SLC6A12: variants seen among roughly 807,000 people sequenced by gnomAD.
The protein encoded by SLC6A12 is sodium- and chloride-dependent betaine transporter.
SLC6A12 carries 50 observed loss-of-function variants against 73.3 expected under a neutral mutation model. The observed-to-expected ratio is 0.68, with a 90% CI of 0.54 to 0.86. The LOEUF (loss-of-function observed/expected upper bound fraction) is 0.86, where lower values mean the gene tolerates loss of function less well. SLC6A12 is among the 40% of genes least tolerant of loss of function. SLC6A12 has a pLI of 0.00. For synonymous variants in SLC6A12, 304 were observed against 309.2 expected (o/e 0.98, Z 0.18); for missense variants, 648 against 772.8 (o/e 0.84, Z 1.92).
chr12:188,458 C>G (rs1355924476), downstream of SLC6A12, among the ~76,000 whole-genome samples: 1 of 150,962 alleles, frequency 6.6e-6, no homozygotes, highest in Admixed American at 6.6e-5. Flanking sequence ...GCGCCTCTCC[C>G]TCCACACCTC....
At chr12:210,843 G>A (rs1940877013) in intron 2 of SLC6A12, among the ~76,000 whole-genome samples, 1 of 152,178 alleles carries the variant, frequency 6.6e-6, no homozygotes, top group Non-Finnish European at 1.5e-5. Context: ...CTCTCAGCAG[G>A]TCACTGCCCT....
rs1290919911 is a variant in SLC6A12, at chr12:192,587, T to C, written c.1592A>G (p.Tyr531Cys). The C allele has an allele frequency of 3.1e-6, 5 of 1,613,522 alleles. No individual in the cohort carries two copies. The highest frequency in any genetic ancestry group is 1.7e-5 in the Admixed American group (1 of 59,950). The change falls in exon 15 of 16, where the codon TAC (tyrosine) becomes TGC (cysteine). Residue 531 changes from tyrosine to cysteine, a missense_variant. Physicochemically the swap from Tyr to Cys is radical, Grantham distance 194. Transcript: ENST00000684302. ...TPLKYNNVYV[Y>C]PPWGYSIGWF... is the part of the protein sequence containing the mutation. ...GCCAATGGAGTATCCCCAGGGCGGG[T>C]ACACATAGACGTTGTTGTACTTGAG...
At chr12:206,467 T>C (rs998485928) in intron 3 of SLC6A12, among the ~76,000 whole-genome samples, 1 of 152,256 alleles carries the variant, frequency 6.6e-6, no homozygotes, top group Non-Finnish European at 1.5e-5. Flanking sequence ...TTTCTGTTTA[T>C]CTGTTCATCT....
At chr12:188,187 G>T (rs1391591109), downstream of SLC6A12, among the ~76,000 whole-genome samples, 1 of 152,186 alleles carries the variant, frequency 6.6e-6, no homozygotes, top group Non-Finnish European at 1.5e-5. Flanking sequence ...GGTCGGGGAG[G>T]CTCGGGCCGC....
the SLC6A12 span, among the ~76,000 whole-genome samples, chr12:184,621 G>A: frequency 6.6e-6 from 1 of 152,080 alleles, no homozygotes; most frequent in Non-Finnish European, 1.5e-5. Context: ...GTGGTGGCGG[G>A]CGCCTGTAGT....
intron 15 of SLC6A12, among the ~76,000 whole-genome samples, chr12:191,791 C>T (rs1005899518): frequency 6.6e-6 from 1 of 151,932 alleles, no homozygotes; most frequent in South Asian, 2.1e-4. Context: ...CACAGCATGC[C>T]CAGGATGGAA....
intron 7 of SLC6A12, among the ~76,000 whole-genome samples, chr12:200,322 A>G (rs369737434): frequency 3.3e-5 from 5 of 151,648 alleles, no homozygotes; most frequent in Non-Finnish European, 5.9e-5. Context: ...GTTAGCCAGG[A>G]TGGTCTCGAT....
intron 12 of SLC6A12, 39 bp downstream of exon 12, chr12:196,085 C>T: frequency 1.3e-6 from 2 of 1,544,146 alleles, no homozygotes. Flanking sequence ...TGGCTCCCTC[C>T]CCTGGAGCCT....
At chr12:197,122 C>T (rs188981909) in intron 10 of SLC6A12, among the ~76,000 whole-genome samples, 1,165 of 48,300 alleles carry the variant, frequency 0.024, 1 homozygote, top group African/African-American at 0.082. Context: ...TCCATCCATC[C>T]ATCCATCCAT....
chr12:209,323 C>T (rs368004290), intron 3 of SLC6A12, among the ~76,000 whole-genome samples: 80 of 152,348 alleles, frequency 5.3e-4, no homozygotes, highest in African/African-American at 1.2e-3. Flanking sequence ...ATAGACCACG[C>T]GGAACCGTTT....
At chr12:200,398 GCA>G (rs879884597) in intron 7 of SLC6A12, among the ~76,000 whole-genome samples, 2,045 of 152,270 alleles carry the variant, frequency 0.013, 20 homozygotes, top group Non-Finnish European at 0.017. Context: ...GTGAGCCACT[GCA>G]CCCGGCAGCC....
downstream of SLC6A12, among the ~76,000 whole-genome samples, chr12:187,999 G>A (rs1038340854): frequency 8.5e-5 from 13 of 152,190 alleles, no homozygotes; most frequent in African/African-American, 3.1e-4. Flanking sequence ...CAATCCCTGA[G>A]CTAGACATAA....
rs777631243 is a variant in SLC6A12, at chr12:204,555, G to GAT, written c.349+7_349+8dup. ...CCCCATGAAGGGGAAGGTGGGGGAG[G>GAT]ATACATACCCTGGAAGAGGGGGCAG... On this transcript the variant is annotated intron_variant, in intron 4 of 15. Coordinates refer to ENST00000684302, the MANE Select transcript of SLC6A12 (RefSeq NM_001122848.3). 6.2e-7 allele frequency: 1 copy of GAT among 1,613,908 alleles called. No individual in the cohort carries two copies. The highest frequency in any genetic ancestry group is 8.5e-7 in the Non-Finnish European group (1 of 1,179,868).
chr12:201,667 A>C, intron 6 of SLC6A12, 95 bp downstream of exon 6: 3 of 985,002 alleles, frequency 3.0e-6, no homozygotes, highest in Non-Finnish European at 3.2e-6. Flanking sequence ...GAAAGCACAC[A>C]CAGAATCTTA....
In SLC6A12 at chr12:198,601, A is replaced by G; in HGVS notation, c.846+196T>C. The stretch of plus-strand genomic sequence containing the variant: ...AGAAAAAAAATTTTTTAAGAAAAAA[A>G]GTTATATTTGAGTGGTGGAATTACA... On this transcript the variant is annotated intron_variant, in intron 8 of 15. Transcript: ENST00000684302. This position sits in a 1 kb window ranked among gnomAD's most constrained non-coding sequence, Gnocchi z 4.0. The G allele has an allele frequency of 1.8e-6, 1 of 542,552 alleles. No individual in the cohort carries two copies. The allele number at this position is 542,552 out of a possible 1,614,324, so 33.6% of individuals were successfully genotyped here. A position where few individuals can be genotyped will look rare whatever the true frequency, so the allele number is the denominator to read the frequency against.
chr12:190,939 G>T lies in SLC6A12; in HGVS notation c.*129C>A. On this transcript the variant is annotated 3_prime_UTR_variant, in exon 16 of 16. Coordinates refer to ENST00000684302, the MANE Select transcript of SLC6A12 (RefSeq NM_001122848.3). ...AGGAGTCTGGCCTCCAGCTGGGGGT[G>T]CCTGTGGCTCTCCAGAGGTTCCCAG... 1.3e-6 allele frequency: 1 copy of T among 745,922 alleles called. No individual in the cohort carries two copies. The highest frequency in any genetic ancestry group is 1.8e-6 in the Non-Finnish European group (1 of 542,438). The allele number at this position is 745,922 out of a possible 1,614,324, so 46.2% of individuals were successfully genotyped here. A position where few individuals can be genotyped will look rare whatever the true frequency, so the allele number is the denominator to read the frequency against.
chr12:185,960 GAGC>G (rs1939422426), downstream of SLC6A12, among the ~76,000 whole-genome samples: 3 of 152,284 alleles, frequency 2.0e-5, no homozygotes, highest in African/African-American at 7.2e-5. Flanking sequence ...TTACTTCACT[GAGC>G]AGCAGAACCT....
At chr12:188,066 C>T (rs1939467622), downstream of SLC6A12, among the ~76,000 whole-genome samples, 2 of 152,236 alleles carry the variant, frequency 1.3e-5, no homozygotes, top group African/African-American at 2.4e-5. Flanking sequence ...CCAGTGGATC[C>T]CTCACTGGGG....
intron 2 of SLC6A12, among the ~76,000 whole-genome samples, chr12:210,808 A>G (rs529395): frequency 0.57 from 87,238 of 151,946 alleles, 25,989 homozygotes; most frequent in African/African-American, 0.75. Context: ...GGCTCCTCAA[A>G]AGGGAGGCCC....
Sources: gnomAD v4.1 joint callset for allele counts (sites outside exome capture counted in the v4.1 genomes callset) on GRCh38, gnomAD v4.1.1 for gene constraint, Gnocchi (gnomAD v3.1) non-coding constraint, MANE v1.5 for transcripts, NCBI Gene and HGNC (gene_info 2026-07-23, HGNC 2026-07-21) for gene names.